ZNF292: variants seen among roughly 807,000 people sequenced by gnomAD.
The protein encoded by ZNF292 is zinc finger protein 292.
ZNF292 carries 26 observed loss-of-function variants against 217.9 expected under a neutral mutation model. The observed-to-expected ratio is 0.12, with a 90% confidence interval of 0.09 to 0.17. ZNF292 has a LOEUF of 0.17. Ranked by LOEUF, ZNF292 falls within the 10% of genes least tolerant of loss-of-function variation. The pLI, the probability that ZNF292 is intolerant of heterozygous loss-of-function variation, is 1.00. For missense variants in ZNF292, 2,904 were observed against 3,175.2 expected (o/e 0.91, Z 2.05); for synonymous variants, 1,257 against 1,124.1 (o/e 1.12, Z -2.37).
chr6:87,239,229 G>A (rs1303847149), intron 5 of ZNF292, among the ~76,000 whole-genome samples: 1 of 152,204 alleles, frequency 6.6e-6, no homozygotes, highest in East Asian at 1.9e-4. Flanking sequence ...CCGGGCAGAG[G>A]GGCTCCTCAA....
chr6:87,199,603 T>G (rs1000279543), intron 1 of ZNF292, among the ~76,000 whole-genome samples: 1 of 152,230 alleles, frequency 6.6e-6, no homozygotes, highest in Non-Finnish European at 1.5e-5. Flanking sequence ...TGGTCCATTT[T>G]GGGTTTTGTG....
At chr6:87,190,218 A>C (rs1326902697) in intron 1 of ZNF292, among the ~76,000 whole-genome samples, 1 of 152,246 alleles carries the variant, frequency 6.6e-6, no homozygotes, top group Non-Finnish European at 1.5e-5. Flanking sequence ...TATCCTTGCT[A>C]ACCATAATAC....
chr6:87,239,810 C>T lies in ZNF292; in HGVS notation c.742-3665C>T, dbSNP rs575731573. On this transcript the variant is annotated intron_variant, in intron 5 of 7. Transcript: ENST00000369577. The stretch of plus-strand genomic sequence containing the variant: ...CAGACAATGGGCAGCCGAGCAGAGA[C>T]GCTCCTCACTTCCTAGACGGGATGG... 3.3e-4 allele frequency among the ~76,000 whole-genome samples: 50 copies of T among 151,420 alleles called. 1 individual carries two copies. The highest frequency in any genetic ancestry group is 1.4e-3 in the East Asian group (7 of 5,096).
At chr6:87,164,186 G>T (rs1770840777) in intron 1 of ZNF292, among the ~76,000 whole-genome samples, 1 of 152,016 alleles carries the variant, frequency 6.6e-6, no homozygotes, top group African/African-American at 2.4e-5. Flanking sequence ...TGTTTTCTGG[G>T]GCTGAATAGT....
intron 1 of ZNF292, among the ~76,000 whole-genome samples, chr6:87,197,418 TG>T (rs1396910872): frequency 1.4e-4 from 17 of 117,488 alleles, no homozygotes; most frequent in African/African-American, 5.2e-4. Flanking sequence ...TTTTAACATT[TG>T]GGTTTTTTTT....
chr6:87,172,526 A>G (rs1188468227), intron 1 of ZNF292, among the ~76,000 whole-genome samples: 2 of 152,160 alleles, frequency 1.3e-5, no homozygotes, highest in African/African-American at 2.4e-5. Flanking sequence ...ATGTTTAACC[A>G]TTCTAAGTTA....
intron 2 of ZNF292, 59 bp downstream of exon 2, chr6:87,216,116 C>G (rs1582435261): frequency 3.6e-5 from 3 of 84,082 alleles, no homozygotes; most frequent in Admixed American, 4.1e-4. Flanking sequence ...TAGACACACA[C>G]ACACACACAC....
chr6:87,261,339 C>T lies in ZNF292; in HGVS notation c.7710C>T (p.Ala2570=), dbSNP rs1171495535. 6.2e-7 allele frequency: 1 copy of T among 1,613,334 alleles called. No individual in the cohort carries two copies. Among genetic ancestry groups the T allele is most frequent in the Admixed American group, 1.7e-5 (1 of 59,916 alleles). ...SVRKEEETAV[A]IQTIEEHPAS... ...GTAAAGAAGAAGAAACTGCTGTTGC[C>T]ATTCAAACCATTGAGGAGCATCCTG... The change falls in exon 8 of 8, where the codon GCC becomes GCT. Residue 2570 remains alanine (A), a synonymous_variant. Coordinates refer to ENST00000369577, the MANE Select transcript of ZNF292 (RefSeq NM_015021.3).
At chr6:87,243,395 T>G in intron 5 of ZNF292, 80 bp from the exon 6 acceptor site, 2 of 1,180,918 alleles carry the variant, frequency 1.7e-6, no homozygotes, top group Non-Finnish European at 1.1e-6. Flanking sequence ...TCTAAATATT[T>G]AATGAAAACT....
In ZNF292 at chr6:87,169,660, CTGT is replaced by C. The variant is rs1562120614; in HGVS notation, c.168+13903_168+13905del. On this transcript the variant is annotated intron_variant, in intron 1 of 7. Coordinates refer to ENST00000369577, the MANE Select transcript of ZNF292 (RefSeq NM_015021.3). ...CATTTAGTTGTTTTTTTGTTTTGTT[CTGT>C]TTTGAGACAGGGTCTCACTGTCACC... The C allele has an allele frequency of 6.3e-5, 27 of 430,198 alleles. No individual in the cohort carries two copies. The East Asian group carries it at 7.9e-4, about 13-fold the overall frequency. The allele number at this position is 430,198 out of a possible 1,614,324, so 26.6% of individuals were successfully genotyped here.
At chr6:87,231,248 A>G (rs1442661038) in intron 4 of ZNF292, among the ~76,000 whole-genome samples, 1 of 152,176 alleles carries the variant, frequency 6.6e-6, no homozygotes, top group Non-Finnish European at 1.5e-5. Context: ...ATCTTCCTTT[A>G]AAGGCTGATG....
At chr6:87,244,189 C>T (rs570167585) in intron 6 of ZNF292, among the ~76,000 whole-genome samples, 5 of 152,170 alleles carry the variant, frequency 3.3e-5, no homozygotes, top group Admixed American at 6.5e-5. Context: ...TACCAAATGA[C>T]AGCATACAAA....
At chr6:87,236,167 G>A (rs1040175701) in intron 5 of ZNF292, among the ~76,000 whole-genome samples, 1 of 152,142 alleles carries the variant, frequency 6.6e-6, no homozygotes, top group African/African-American at 2.4e-5. Context: ...CTTCATTAAT[G>A]TACGTTACTT....
intron 1 of ZNF292, among the ~76,000 whole-genome samples, chr6:87,182,703 A>G (rs1771507085): frequency 6.6e-6 from 1 of 152,208 alleles, no homozygotes; most frequent in African/African-American, 2.4e-5. Context: ...AATAAAAGCA[A>G]ATTAACAATC....
intron 1 of ZNF292, among the ~76,000 whole-genome samples, chr6:87,176,054 T>G (rs1298905345): frequency 6.6e-6 from 1 of 152,214 alleles, no homozygotes; most frequent in Admixed American, 6.5e-5. Flanking sequence ...ATCCAAAAGT[T>G]TGTAGTATAT....
chr6:87,206,827 C>G (rs1174628358), intron 1 of ZNF292, among the ~76,000 whole-genome samples: 2 of 152,198 alleles, frequency 1.3e-5, no homozygotes, highest in South Asian at 2.1e-4. Context: ...CGTCATCACA[C>G]ACGCAGAACC....
intron 7 of ZNF292, among the ~76,000 whole-genome samples, chr6:87,252,173 C>T (rs149000031): frequency 2.0e-5 from 3 of 150,848 alleles, no homozygotes; most frequent in East Asian, 1.9e-4. Flanking sequence ...TTTTTTGAGA[C>T]GTTGTTTTGC....
At position 87,260,633 on chromosome 6, in the gene ZNF292, G is replaced by A. The variant is rs199734102; in HGVS notation, c.7004G>A (p.Arg2335Gln). ...KEGIKMPKTK[R>Q]KKKNNLENKN... The stretch of plus-strand genomic sequence containing the variant: ...GGAATAAAAATGCCCAAGACCAAAC[G>A]AAAGAAAAAAAATAATTTAGAAAAC... Residue 2335 changes from arginine to glutamine, a missense_variant, in exon 8 of 8, where the codon CGA (arginine) becomes CAA (glutamine). Transcript: ENST00000369577. 2.4e-4 allele frequency: 393 copies of A among 1,611,532 alleles called. 1 individual carries two copies. In the African/African-American group the frequency reaches 4.7e-3, roughly 19 times the overall value.
Position 87,254,807 on chromosome 6 carries a change from A to T in ZNF292, c.1178A>T (p.Glu393Val), listed in dbSNP as rs957020155. 3.6e-5 allele frequency: 58 copies of T among 1,613,808 alleles called. No individual in the cohort carries two copies. The highest frequency in any genetic ancestry group is 4.3e-5 in the Non-Finnish European group (51 of 1,179,858). The change falls in exon 8 of 8, where the codon GAA (glutamate) becomes GTA (valine). Residue 393 changes from glutamate (E) to valine (V), a missense_variant. This residue lies in a region of ZNF292 where 313 missense variants were observed against 451.0 expected (regional missense o/e 0.69). Transcript: ENST00000369577. Reference sequence around the variant, plus strand: ...GTTAAACGTGCTTGTCAACTGAGTGAATTTCTTATTGAGCCTACAGTAGAT... The same window carrying T: ...GTTAAACGTGCTTGTCAACTGAGTGTATTTCTTATTGAGCCTACAGTAGAT... ...LEVKRACQLSEFLIEPTVDAY... is the reference protein window; with the variant it reads ...LEVKRACQLSVFLIEPTVDAY...
Sources: allele counts gnomAD v4.1 joint callset (sites outside exome capture counted in the v4.1 genomes callset), GRCh38; gene constraint gnomAD v4.1.1; regional missense constraint gnomAD v4.1.1; transcripts MANE v1.5; gene names NCBI Gene and HGNC (gene_info 2026-07-23, HGNC 2026-07-21).